Variants in EPHA7 observed in about 807,000 individuals in gnomAD.
EPHA7 encodes EPH receptor A7.
In EPHA7, 25 loss-of-function variants were observed where a neutral mutation model predicts 112.6. That is an observed-to-expected ratio of 0.22 (90% CI 0.16 to 0.31). The LOEUF (loss-of-function observed/expected upper bound fraction) is 0.31. EPHA7 is among the 10% of genes least tolerant of loss of function. The pLI is 1.00. For missense variants in EPHA7, 962 were observed against 1,212.6 expected (o/e 0.79, Z 3.07); for synonymous variants, 437 against 406.5 (o/e 1.07, Z -0.90).
At chr6:93,339,205 A>T (rs1485479875) in intron 5 of EPHA7, among the ~76,000 whole-genome samples, 4 of 151,656 alleles carry the variant, frequency 2.6e-5, no homozygotes, top group African/African-American at 9.7e-5. Flanking sequence ...TATATCTAAT[A>T]CAACTCATTA....
intron 3 of EPHA7, among the ~76,000 whole-genome samples, chr6:93,363,019 C>T (rs924011601): frequency 1.3e-4 from 20 of 151,982 alleles, no homozygotes; most frequent in African/African-American, 4.8e-4. Context: ...TCTTAAGCAC[C>T]AACTTTTATC....
rs748213409 is a variant in EPHA7, at chr6:93,243,493, A to G, written c.2930T>C (p.Ile977Thr). 6.2e-7 allele frequency: 1 copy of G among 1,613,446 alleles called. No individual in the cohort carries two copies. The highest frequency in any genetic ancestry group is 8.5e-7 in the Non-Finnish European group (1 of 1,179,628). The stretch of plus-strand genomic sequence containing the variant: ...TCTCATAGTCTGAATGCTGCTCATG[A>G]TTTTCTTTTGATGACCAACCAGTGT... ...GITLVGHQKK[I>T]MSSIQTMRAQ... Residue 977 changes from isoleucine (I) to threonine (T), a missense_variant, in exon 17 of 17, where the codon ATC (isoleucine) becomes ACC (threonine). By Grantham distance (89) the Ile-to-Thr change is moderately conservative. Transcript: ENST00000369303.
chr6:93,391,870 G>T (rs1014636664), intron 3 of EPHA7, among the ~76,000 whole-genome samples: 2 of 151,158 alleles, frequency 1.3e-5, no homozygotes, highest in East Asian at 3.9e-4. Flanking sequence ...ACTCTTCACG[G>T]TTTATGAGAT....
At chr6:93,275,641 G>T (rs1771435680) in intron 5 of EPHA7, among the ~76,000 whole-genome samples, 1 of 151,864 alleles carries the variant, frequency 6.6e-6, no homozygotes, top group African/African-American at 2.4e-5. Context: ...TGTTTCCAGA[G>T]TTCAAAGTGG....
chr6:93,316,631 A>T (rs1482558957), intron 5 of EPHA7, among the ~76,000 whole-genome samples: 1 of 152,160 alleles, frequency 6.6e-6, no homozygotes, highest in Non-Finnish European at 1.5e-5. Context: ...AATTATTTAC[A>T]TATAAAATAT....
chr6:93,245,264 A>T (rs765882206), intron 16 of EPHA7, 34 bp downstream of exon 16: 1 of 1,585,820 alleles, frequency 6.3e-7, no homozygotes, highest in South Asian at 1.1e-5. Flanking sequence ...TACCTAATAA[A>T]TCCTTAAATA....
chr6:93,316,462 C>G (rs2127875268), intron 5 of EPHA7, among the ~76,000 whole-genome samples: 1 of 152,182 alleles, frequency 6.6e-6, no homozygotes, highest in Middle Eastern at 3.4e-3. Context: ...TTGAAAGCTA[C>G]TGTTCTAACA....
chr6:93,353,314 G>T (rs1354299906), intron 5 of EPHA7, among the ~76,000 whole-genome samples: 1 of 151,918 alleles, frequency 6.6e-6, no homozygotes, highest in African/African-American at 2.4e-5. Flanking sequence ...CTTGTGTATG[G>T]CATGTTCATG....
At chr6:93,284,466 G>C (rs1394644941) in intron 5 of EPHA7, among the ~76,000 whole-genome samples, 1 of 152,036 alleles carries the variant, frequency 6.6e-6, no homozygotes, top group Non-Finnish European at 1.5e-5. Context: ...GGGGGAGAAG[G>C]AAGTGAAAAG....
intron 14 of EPHA7, among the ~76,000 whole-genome samples, chr6:93,249,415 A>T (rs1770108075): frequency 6.6e-6 from 1 of 152,158 alleles, no homozygotes; most frequent in African/African-American, 2.4e-5. Flanking sequence ...TTACTTTTAG[A>T]AAGTTGGGTT....
intron 5 of EPHA7, among the ~76,000 whole-genome samples, chr6:93,336,668 T>G (rs900490212): frequency 6.6e-6 from 1 of 152,086 alleles, no homozygotes; most frequent in Non-Finnish European, 1.5e-5. Flanking sequence ...CCCAAAGTGC[T>G]GGGATTACAG....
At chr6:93,264,573 T>G (rs948484180) in intron 8 of EPHA7, 21 bp downstream of exon 8, 12 of 1,471,704 alleles carry the variant, frequency 8.2e-6, no homozygotes, top group Non-Finnish European at 1.1e-5. Flanking sequence ...TGTTAGAGAT[T>G]AGAACAACTT....
chr6:93,402,776 C>T (rs1423768657), intron 3 of EPHA7, among the ~76,000 whole-genome samples: 1 of 151,746 alleles, frequency 6.6e-6, no homozygotes, highest in Admixed American at 6.6e-5. Context: ...AATTTGGAAG[C>T]AAACAATATA....
At chr6:93,256,131 A>G in intron 12 of EPHA7, 94 bp from the exon 13 acceptor site, 1 of 1,105,446 alleles carries the variant, frequency 9.0e-7, no homozygotes, top group Non-Finnish European at 1.3e-6. Flanking sequence ...GCAATTTGCT[A>G]TTGTATAATA....
chr6:93,321,030 G>C (rs1774044998), intron 5 of EPHA7, among the ~76,000 whole-genome samples: 1 of 151,718 alleles, frequency 6.6e-6, no homozygotes, highest in Middle Eastern at 3.4e-3. Context: ...CGTGTTATGA[G>C]GAGGGCTTAT....
chr6:93,313,091 CAG>C (rs1773624702), intron 5 of EPHA7, among the ~76,000 whole-genome samples: 1 of 151,976 alleles, frequency 6.6e-6, no homozygotes, highest in African/African-American at 2.4e-5. Context: ...AATTGTGACA[CAG>C]AGACACAACG....
At chr6:93,319,789 A>G (rs898555362) in intron 5 of EPHA7, among the ~76,000 whole-genome samples, 9 of 152,252 alleles carry the variant, frequency 5.9e-5, no homozygotes, top group South Asian at 2.1e-4. Context: ...AATATTTGGA[A>G]GGTAGATTCA....
chr6:93,403,708 C>T (rs945913272), intron 3 of EPHA7, among the ~76,000 whole-genome samples: 8 of 149,030 alleles, frequency 5.4e-5, no homozygotes, highest in Non-Finnish European at 7.4e-5. Flanking sequence ...ACAGGGTATA[C>T]GTGGTATTTA....
At chr6:93,383,125 C>G (rs1399740066) in intron 3 of EPHA7, among the ~76,000 whole-genome samples, 1 of 152,050 alleles carries the variant, frequency 6.6e-6, no homozygotes, top group South Asian at 2.1e-4. Flanking sequence ...AACTCTCATG[C>G]TACCCAATAA....
Sources: allele counts gnomAD v4.1 joint callset (sites outside exome capture counted in the v4.1 genomes callset), GRCh38; gene constraint gnomAD v4.1.1; transcripts MANE v1.5; gene names NCBI Gene and HGNC (gene_info 2026-07-23, HGNC 2026-07-21).